Variants in KNDC1 observed in about 807,000 individuals in gnomAD.
KNDC1 encodes kinase non-catalytic C-lobe domain containing 1.
A neutral mutation model predicts 172.8 loss-of-function variants in KNDC1; 106 were observed. That is an observed-to-expected ratio of 0.61 (90% CI 0.52 to 0.72). KNDC1 has a LOEUF of 0.72. KNDC1 is among the 30% of genes least tolerant of loss of function. KNDC1 has a pLI of 0.00. For missense variants in KNDC1, 2,325 were observed against 2,394.5 expected, an observed-to-expected ratio of 0.97 and a Z score of 0.61; for synonymous variants, 1,083 against 1,062.2, an observed-to-expected ratio of 1.02 and a Z score of -0.38.
chr10:133,190,606 G>A (rs770028182), intron 9 of KNDC1, among the ~76,000 whole-genome samples: 1 of 152,214 alleles, frequency 6.6e-6, no homozygotes, highest in Non-Finnish European at 1.5e-5. Flanking sequence ...AGCAATGGGC[G>A]CACACTAAAA....
intron 21 of KNDC1, 106 bp downstream of exon 21, chr10:133,210,830 A>G: frequency 1.1e-6 from 1 of 948,690 alleles, no homozygotes; most frequent in Non-Finnish European, 1.7e-6. Context: ...GTCCCTGGCG[A>G]CCCAAGGGGG....
intron 3 of KNDC1, among the ~76,000 whole-genome samples, chr10:133,182,279 G>GGGGCCAGGGC (rs1361057915): frequency 1.4e-5 from 2 of 144,052 alleles, no homozygotes; most frequent in Non-Finnish European, 2.9e-5. Flanking sequence ...GGAGAGGCCT[G>GGGGCCAGGGC]GGGCCAGGGC....
intron 17 of KNDC1, among the ~76,000 whole-genome samples, chr10:133,205,333 T>C (rs1275403181): frequency 1.3e-5 from 2 of 152,204 alleles, no homozygotes; most frequent in Non-Finnish European, 2.9e-5. Context: ...CATGAAGCAG[T>C]GCCCGGCGGC....
chr10:133,206,075 C>T (rs1475992031), intron 17 of KNDC1, among the ~76,000 whole-genome samples: 1 of 152,068 alleles, frequency 6.6e-6, no homozygotes, highest in African/African-American at 2.4e-5. Flanking sequence ...TGGTGCATGC[C>T]TGTAATCCCA....
intron 3 of KNDC1, among the ~76,000 whole-genome samples, chr10:133,169,939 C>A (rs1853321179): frequency 6.6e-6 from 1 of 152,244 alleles, no homozygotes; most frequent in South Asian, 2.1e-4. Context: ...CATTTTTATC[C>A]CGCGTTGCAC....
chr10:133,204,226 C>T (rs1264429600), intron 17 of KNDC1, among the ~76,000 whole-genome samples: 1 of 152,244 alleles, frequency 6.6e-6, no homozygotes, highest in African/African-American at 2.4e-5. Context: ...CAACCTCAAC[C>T]TGCCCAGCCC....
chr10:133,211,213 G>A (rs1845355656), intron 21 of KNDC1, among the ~76,000 whole-genome samples: 1 of 126,792 alleles, frequency 7.9e-6, no homozygotes, highest in East Asian at 2.2e-4. Context: ...GCACCCCCTT[G>A]CCCCCACACG....
intron 29 of KNDC1, among the ~76,000 whole-genome samples, chr10:133,221,178 CCA>C (rs1391512148): frequency 1.3e-5 from 2 of 152,068 alleles, no homozygotes; most frequent in Admixed American, 1.3e-4. Flanking sequence ...CCGCTGGGTG[CCA>C]CAGTGTCCCT....
chr10:133,179,807 C>G lies in KNDC1; in HGVS notation c.361-3537C>G, dbSNP rs573783379. ...AAGCTGCAACGTCCACCTCCTCGAC[C>G]CGGCTCCCCGTCGCCCTGTGGCCTA... On this transcript the variant is annotated intron_variant, in intron 3 of 29. Coordinates refer to ENST00000304613, the MANE Select transcript of KNDC1 (RefSeq NM_152643.8). Among the ~76,000 whole-genome samples the G allele has an allele frequency of 2.6e-5, 4 of 152,324 alleles. No individual in the cohort carries two copies. In the South Asian group the frequency reaches 8.3e-4, roughly 32 times the overall value.
chr10:133,185,369 GTGTGGAGTAGGCAGTGTGTA>G lies in KNDC1; in HGVS notation c.626-604_626-585del, dbSNP rs1293462915. ...CAGTGTGGAGTAGGCAGTGTGTACA[GTGTGGAGTAGGCAGTGTGTA>G]CAGTGTGGAGTAGGCAGTGTGTGCA... is the stretch of plus-strand genomic sequence containing the variant. On this transcript the variant is annotated intron_variant, in intron 5 of 29. Transcript: ENST00000304613. Among the ~76,000 whole-genome samples, 1,316 of 143,624 alleles carry G rather than the reference GTGTGGAGTAGGCAGTGTGTA, an allele frequency of 9.2e-3. 36 individuals are homozygous for G. The highest frequency in any genetic ancestry group is 0.018 in the Middle Eastern group (5 of 272). The allele number at this position is 143,624 out of a possible 152,430, so 94.2% of individuals were successfully genotyped here.
intron 17 of KNDC1, among the ~76,000 whole-genome samples, chr10:133,204,082 G>C (rs1020393065): frequency 6.6e-6 from 1 of 152,028 alleles, no homozygotes; most frequent in African/African-American, 2.4e-5. Flanking sequence ...GGAGCCTGGC[G>C]CCGGTGACCT....
intron 7 of KNDC1, among the ~76,000 whole-genome samples, 195 bp downstream of exon 7, chr10:133,188,848 GTCTCCGGTGAACGGA>G (rs1239091343): frequency 2.9e-4 from 44 of 151,886 alleles, no homozygotes; most frequent in Non-Finnish European, 4.0e-4. Context: ...CCAGGACAGT[GTCTCCGGTGAACGGA>G]ACAGGCGGCT....
intron 9 of KNDC1, 103 bp from the exon 10 acceptor site, chr10:133,195,560 G>C: frequency 1.7e-6 from 2 of 1,146,432 alleles, no homozygotes; most frequent in Non-Finnish European, 2.4e-6. Flanking sequence ...CCTCTGTGGG[G>C]GCAGTGCCTG....
intron 28 of KNDC1, 96 bp downstream of exon 28, chr10:133,219,186 C>A: frequency 6.9e-7 from 1 of 1,441,240 alleles, no homozygotes. Flanking sequence ...GACGCAGGCA[C>A]CACAGAGTGT....
chr10:133,201,802 C>G lies in KNDC1; in HGVS notation c.3291C>G (p.Phe1097Leu), dbSNP rs1213797422. The G allele has an allele frequency of 4.0e-6, 6 of 1,518,926 alleles. No homozygotes were observed. The highest frequency in any genetic ancestry group is 1.8e-4 in the Middle Eastern group (1 of 5,562). The allele number at this position is 1,518,926 out of a possible 1,614,324, so 94.1% of individuals were successfully genotyped here. ...QSCSPGWCSA[F>L]YEADCFGADV... Reference sequence around the variant, plus strand: ...GCAGCCCCGGCTGGTGCAGCGCCTTCTACGAGGCCGACTGCTTCGGGGCCG... The same window carrying G: ...GCAGCCCCGGCTGGTGCAGCGCCTTGTACGAGGCCGACTGCTTCGGGGCCG... Residue 1097 changes from phenylalanine to leucine, a missense_variant, in exon 17 of 30, where the codon TTC (phenylalanine) becomes TTG (leucine). Physicochemically the swap from Phe to Leu is conservative, Grantham distance 22. Coordinates refer to ENST00000304613, the MANE Select transcript of KNDC1 (RefSeq NM_152643.8).
intron 20 of KNDC1, among the ~76,000 whole-genome samples, chr10:133,210,004 C>A (rs1845324519): frequency 6.6e-6 from 1 of 152,086 alleles, no homozygotes; most frequent in South Asian, 2.1e-4. Context: ...CGCCCGGTCC[C>A]GAGGCACCAG....
At chr10:133,199,365 C>T (rs1283202368) in intron 14 of KNDC1, 93 bp from the exon 15 acceptor site, 8 of 1,566,874 alleles carry the variant, frequency 5.1e-6, no homozygotes, top group Middle Eastern at 1.7e-4. Context: ...GCCCCCCAGC[C>T]GAGATCAGCC....
Position 133,213,717 on chromosome 10 carries a change from G to A in KNDC1, c.4516G>A (p.Ala1506Thr), listed in dbSNP as rs1845419128. The A allele has an allele frequency of 7.4e-6, 12 of 1,613,972 alleles. No individual in the cohort carries two copies. Among genetic ancestry groups the A allele is most frequent in the Non-Finnish European group, 1.0e-5 (12 of 1,179,922 alleles). Reference sequence around the variant, plus strand: ...CCTGGGCGTCATGGACAAGAGCACTGCCATCCCCAAGTGAGCGTCCGGGAC... The same window carrying A: ...CCTGGGCGTCATGGACAAGAGCACTACCATCCCCAAGTGAGCGTCCGGGAC... ...RALGVMDKST[A>T]IPKASSSESL... Residue 1506 changes from alanine (A) to threonine (T), a missense_variant, in exon 25 of 30, where the codon GCC becomes ACC. Physicochemically the swap from Ala to Thr is moderately conservative, Grantham distance 58 (BLOSUM62 0). Transcript: ENST00000304613.
rs1044195570 is a variant in KNDC1 at position 133,167,457 on chromosome 10, T to G, written c.179T>G (p.Leu60Arg). The G allele has an allele frequency of 3.7e-6, 6 of 1,606,236 alleles. No individual in the cohort carries two copies. In the African/African-American group the frequency reaches 8.0e-5, roughly 21 times the overall value. ...LSEQEAWAVCLECSLSMRSVA... is the reference protein window; with the variant it reads ...LSEQEAWAVCRECSLSMRSVA... ...GAGCAGGAAGCCTGGGCCGTGTGCCTGGAGTGCAGCCTGTCCATGCGGAGC... is the reference window on the plus strand; with the variant it reads ...GAGCAGGAAGCCTGGGCCGTGTGCCGGGAGTGCAGCCTGTCCATGCGGAGC... Residue 60 changes from leucine (L) to arginine (R), a missense_variant, in exon 2 of 30, where the codon CTG (leucine) becomes CGG (arginine). Transcript: ENST00000304613.
Sources: allele counts gnomAD v4.1 joint callset (sites outside exome capture counted in the v4.1 genomes callset), GRCh38; gene constraint gnomAD v4.1.1; transcripts MANE v1.5; gene names NCBI Gene and HGNC (gene_info 2026-07-23, HGNC 2026-07-21).